Variants in AXDND1 observed in about 807,000 individuals in gnomAD.
The protein encoded by AXDND1 is axonemal dynein light chain domain containing 1.
Under a neutral mutation model 137.5 loss-of-function variants are expected in AXDND1, and 110 were observed. The observed-to-expected ratio is 0.80, with a 90% CI of 0.69 to 0.94. The LOEUF is 0.94. Among genes scored for constraint, AXDND1 ranks in the 40% least tolerant of loss-of-function variants. The probability of loss-of-function intolerance (pLI) is 0.00; values close to 1 mark genes in which losing one functional copy is unlikely to be tolerated. For missense variants in AXDND1, 1,191 were observed against 1,169.8 expected (o/e 1.02, Z -0.26); for synonymous variants, 414 against 399.7 (o/e 1.04, Z -0.43).
intron 23 of AXDND1, among the ~76,000 whole-genome samples, chr1:179,528,641 C>CTTTTTT (rs34531104): frequency 2.6e-5 from 3 of 115,372 alleles, no homozygotes; most frequent in African/African-American, 3.2e-5. Flanking sequence ...CTTTAAACCT[C>CTTTTTT]TTTTTTTTTT....
At chr1:179,535,642 G>T (rs185490901) in intron 25 of AXDND1, among the ~76,000 whole-genome samples, 5 of 152,274 alleles carry the variant, frequency 3.3e-5, no homozygotes, top group African/African-American at 1.2e-4. Context: ...ATTTGAGTTG[G>T]TTCCAAGTTT....
chr1:179,397,959 T>A (rs1463628406), intron 11 of AXDND1, among the ~76,000 whole-genome samples: 1 of 152,190 alleles, frequency 6.6e-6, no homozygotes, highest in African/African-American at 2.4e-5. Flanking sequence ...TGATCTTCAT[T>A]CCTATCCATA....
chr1:179,476,431 A>G (rs953105154), intron 17 of AXDND1, among the ~76,000 whole-genome samples: 2 of 152,254 alleles, frequency 1.3e-5, no homozygotes, highest in East Asian at 1.9e-4. Flanking sequence ...AAAATTGCAT[A>G]ATTTTGTTTA....
intron 15 of AXDND1, among the ~76,000 whole-genome samples, chr1:179,440,175 T>C (rs1658787696): frequency 6.6e-6 from 1 of 152,236 alleles, no homozygotes; most frequent in Non-Finnish European, 1.5e-5. Context: ...GCCCACTCTA[T>C]AATGCCTTGT....
rs1384560779 is a variant in AXDND1, at chr1:179,370,051, A to G, written c.347A>G (p.His116Arg). The change falls in exon 4 of 26, where the codon CAT becomes CGT. Residue 116 changes from histidine (H) to arginine (R), a missense_variant. Physicochemically the swap from His to Arg is conservative, Grantham distance 29. Transcript: ENST00000367618. ...AATAAATTCAAATACCTGATTGACCATCCCGTCTCCCTCACAGGAGCTGGA... is the reference window on the plus strand; with the variant it reads ...AATAAATTCAAATACCTGATTGACCGTCCCGTCTCCCTCACAGGAGCTGGA... ...RRNKFKYLIDHPVSLTGAGRD... is the reference protein window; with the variant it reads ...RRNKFKYLIDRPVSLTGAGRD... 3.1e-6 allele frequency: 5 copies of G among 1,613,400 alleles called. No homozygotes were observed. The highest frequency in any genetic ancestry group is 1.6e-4 in the Middle Eastern group (1 of 6,062).
At chr1:179,549,688 C>T (rs576819578) in intron 25 of AXDND1, among the ~76,000 whole-genome samples, 13 of 152,026 alleles carry the variant, frequency 8.6e-5, no homozygotes, top group Admixed American at 2.0e-4. Context: ...GATCAGGAAC[C>T]GTCATATATG....
intron 20 of AXDND1, among the ~76,000 whole-genome samples, chr1:179,493,225 A>G (rs893730403): frequency 3.5e-4 from 53 of 151,654 alleles, no homozygotes; most frequent in African/African-American, 1.2e-3. Context: ...GATTTTTTTT[A>G]TTTTCTAGAA....
rs572982982 is a variant in AXDND1, at chr1:179,536,395, G to A, written c.3031+1433G>A. Reference sequence around the variant, plus strand: ...TCTTGAGTTAATTTTTGTATAAGGTGTAAGGAAGAGATCCAGTTTCAGCTT... The same window carrying A: ...TCTTGAGTTAATTTTTGTATAAGGTATAAGGAAGAGATCCAGTTTCAGCTT... On this transcript the variant is annotated intron_variant, in intron 25 of 25. Transcript: ENST00000367618. Among the ~76,000 whole-genome samples, 12 of 152,276 alleles carry A rather than the reference G, an allele frequency of 7.9e-5. 1 individual carries two copies. The South Asian group carries it at 2.5e-3, about 32-fold the overall frequency.
intron 16 of AXDND1, chr1:179,447,482 T>C: frequency 4.4e-6 from 2 of 453,616 alleles, no homozygotes; most frequent in Non-Finnish European, 7.7e-6. Context: ...AATGGAAATA[T>C]TCATTAGGAA....
chr1:179,399,969 T>C (rs1463886443), intron 11 of AXDND1, among the ~76,000 whole-genome samples: 1 of 152,240 alleles, frequency 6.6e-6, no homozygotes, highest in African/African-American at 2.4e-5. Flanking sequence ...TCTACACTGC[T>C]GGTGGGAATG....
intron 11 of AXDND1, among the ~76,000 whole-genome samples, chr1:179,403,523 A>G (rs779149518): frequency 6.6e-6 from 1 of 152,230 alleles, no homozygotes; most frequent in Non-Finnish European, 1.5e-5. Context: ...TTTTACTGCA[A>G]TACACAATTG....
intron 16 of AXDND1, chr1:179,449,294 A>G (rs920706504): frequency 9.4e-5 from 30 of 317,970 alleles, no homozygotes; most frequent in African/African-American, 6.6e-4. Flanking sequence ...TTCTTCCTCC[A>G]TTTAATAGTC....
chr1:179,432,378 T>C, intron 15 of AXDND1, 36 bp downstream of exon 15: 1 of 1,520,188 alleles, frequency 6.6e-7, no homozygotes. Context: ...GCAATCAAAG[T>C]GCTGATTGTA....
Position 179,431,476 on chromosome 1 carries a change from GT to G in AXDND1, c.1488-788del, listed in dbSNP as rs898919247. Reference sequence around the variant, plus strand: ...TGATTTCTAAGGTTTTTGTTTGTTTGTTTGTTTGTTGTTGTTGTGTTGTTGT... The same window carrying G: ...TGATTTCTAAGGTTTTTGTTTGTTTGTTGTTTGTTGTTGTTGTGTTGTTGT... On this transcript the variant is annotated intron_variant, in intron 14 of 25. Transcript: ENST00000367618. Among the ~76,000 whole-genome samples the G allele has an allele frequency of 4.0e-4, 60 of 151,344 alleles. 1 individual carries two copies. The Middle Eastern group carries it at 0.014, about 34-fold the overall frequency.
intron 16 of AXDND1, chr1:179,449,890 T>C (rs1660290294): frequency 6.6e-6 from 1 of 152,052 alleles, no homozygotes; most frequent in African/African-American, 2.4e-5. Context: ...TTATTAGTTC[T>C]AATAGTTTCT....
intron 11 of AXDND1, among the ~76,000 whole-genome samples, chr1:179,403,694 C>T (rs1652472776): frequency 6.6e-6 from 1 of 152,174 alleles, no homozygotes; most frequent in South Asian, 2.1e-4. Flanking sequence ...CTGCCTCAGC[C>T]TCCTGAATAG....
chr1:179,487,352 C>A (rs1411010277), intron 18 of AXDND1, among the ~76,000 whole-genome samples: 3 of 148,254 alleles, frequency 2.0e-5, no homozygotes, highest in African/African-American at 2.6e-5. Flanking sequence ...TTTGAGCAAG[C>A]CTTTCTAACT....
chr1:179,525,488 CAT>C (rs1372977635), intron 22 of AXDND1, 41 bp downstream of exon 22: 3 of 1,506,546 alleles, frequency 2.0e-6, no homozygotes, highest in Admixed American at 4.2e-5. Flanking sequence ...TACATACATA[CAT>C]ACATACATAC....
chr1:179,443,201 C>T (rs1659255612), intron 15 of AXDND1, among the ~76,000 whole-genome samples: 1 of 152,174 alleles, frequency 6.6e-6, no homozygotes. Context: ...AAACAGTTTG[C>T]TGTTTGATCA....
Sources: gnomAD v4.1 joint callset for allele counts (sites outside exome capture counted in the v4.1 genomes callset) on GRCh38, gnomAD v4.1.1 for gene constraint, MANE v1.5 for transcripts, NCBI Gene and HGNC (gene_info 2026-07-23, HGNC 2026-07-21) for gene names.